The following SPPL3 variants were observed in gnomAD, a reference collection of about 807,000 sequenced individuals.
SPPL3 encodes signal peptide peptidase-like 3.
Under a neutral mutation model 42.4 loss-of-function variants are expected in SPPL3, and 5 were observed. That is an observed-to-expected ratio of 0.12 (90% CI 0.06 to 0.25). SPPL3 has a LOEUF of 0.25. SPPL3 is among the 10% of genes least tolerant of loss of function. The probability of loss-of-function intolerance (pLI) is 1.00; values close to 1 mark genes in which losing one functional copy is unlikely to be tolerated. For missense variants in SPPL3, 235 were observed against 489.0 expected (o/e 0.48, Z 4.90); for synonymous variants, 195 against 181.8 (o/e 1.07, Z -0.58).
chr12:120,886,348 T>C (rs761869301), intron 1 of SPPL3, among the ~76,000 whole-genome samples: 5 of 152,132 alleles, frequency 3.3e-5, no homozygotes, highest in Non-Finnish European at 2.9e-5. Flanking sequence ...TTAGTTACTA[T>C]AGCAGAGCCC....
intron 1 of SPPL3, among the ~76,000 whole-genome samples, chr12:120,853,720 A>G (rs1161377417): frequency 2.0e-5 from 3 of 152,174 alleles, no homozygotes; most frequent in African/African-American, 7.2e-5. Flanking sequence ...TTTCTGGTTC[A>G]GCAGATCTGG....
At chr12:120,787,660 TTCTC>T (rs141234702) in intron 3 of SPPL3, among the ~76,000 whole-genome samples, 6 of 151,696 alleles carry the variant, frequency 4.0e-5, no homozygotes, top group East Asian at 1.9e-4. Context: ...AATCACTACT[TTCTC>T]TCTCTCTCTC....
At chr12:120,868,264 A>C (rs901766100) in intron 1 of SPPL3, among the ~76,000 whole-genome samples, 6 of 144,814 alleles carry the variant, frequency 4.1e-5, no homozygotes, top group Non-Finnish European at 7.6e-5. Flanking sequence ...ACTGCAAAAT[A>C]AAAAAAAAAA....
chr12:120,766,470 T>C (rs1224772508), intron 9 of SPPL3, 98 bp from the exon 10 acceptor site: 2 of 913,520 alleles, frequency 2.2e-6, no homozygotes, highest in African/African-American at 1.7e-5. Context: ...TCTAATGTGC[T>C]GTCGTCCATT....
At chr12:120,780,528 C>T (rs922890380) in intron 6 of SPPL3, among the ~76,000 whole-genome samples, 3 of 147,532 alleles carry the variant, frequency 2.0e-5, no homozygotes, top group African/African-American at 5.0e-5. Context: ...GCGGGAGGAT[C>T]GCCTGGGTCC....
At chr12:120,772,864 GCTCA>G (rs1477906971) in intron 6 of SPPL3, among the ~76,000 whole-genome samples, 4 of 152,154 alleles carry the variant, frequency 2.6e-5, no homozygotes, top group East Asian at 1.9e-4. Context: ...GTTATCAAGC[GCTCA>G]CTGAGTTACA....
chr12:120,874,552 G>T (rs1435982817), intron 1 of SPPL3, among the ~76,000 whole-genome samples: 1 of 150,386 alleles, frequency 6.6e-6, no homozygotes, highest in Admixed American at 6.6e-5. Context: ...AACATACAAA[G>T]AATTAAAATG....
chr12:120,803,958 T>G (rs1870409699), intron 2 of SPPL3, among the ~76,000 whole-genome samples: 2 of 152,176 alleles, frequency 1.3e-5, no homozygotes, highest in Non-Finnish European at 2.9e-5. Flanking sequence ...CTTGTTCTGG[T>G]GAACCATGGT....
chr12:120,863,123 G>A (rs1424216842), intron 1 of SPPL3, among the ~76,000 whole-genome samples: 2 of 152,136 alleles, frequency 1.3e-5, no homozygotes, highest in African/African-American at 4.8e-5. Context: ...TGAGGTGGGT[G>A]GATCACCTGA....
chr12:120,821,532 GA>G (rs969276630), intron 1 of SPPL3, among the ~76,000 whole-genome samples: 19 of 150,572 alleles, frequency 1.3e-4, no homozygotes, highest in African/African-American at 3.4e-4. Flanking sequence ...CTTATTTACA[GA>G]AAAAAAAAAT....
rs536628851 is a variant in SPPL3 at position 120,797,050 on chromosome 12, A to C, written c.102-5493T>G. On this transcript the variant is annotated intron_variant, in intron 2 of 10. Coordinates refer to ENST00000353487, the MANE Select transcript of SPPL3 (RefSeq NM_139015.5). Reference sequence around the variant, plus strand: ...CCAGGTGTGGTGGTGGGTGCCTGTAATCCGAGCTACCCAGGAGGCTGAGGC... The same window carrying C: ...CCAGGTGTGGTGGTGGGTGCCTGTACTCCGAGCTACCCAGGAGGCTGAGGC... Among the ~76,000 whole-genome samples, 6 of 152,252 alleles carry C rather than the reference A, an allele frequency of 3.9e-5. No homozygotes were observed. The East Asian group carries it at 7.7e-4, about 20-fold the overall frequency.
intron 1 of SPPL3, among the ~76,000 whole-genome samples, chr12:120,885,617 T>C (rs1230635664): frequency 6.6e-6 from 1 of 152,146 alleles, no homozygotes; most frequent in Non-Finnish European, 1.5e-5. Context: ...AAAGTTGTTT[T>C]TTTAATCCTC....
chr12:120,810,039 C>T (rs1870634573), intron 2 of SPPL3, among the ~76,000 whole-genome samples: 1 of 151,636 alleles, frequency 6.6e-6, no homozygotes, highest in South Asian at 2.1e-4. Context: ...GCAGTGTGAT[C>T]ATAGCTTATT....
chr12:120,824,059 A>G (rs1456706160), intron 1 of SPPL3, among the ~76,000 whole-genome samples: 1 of 151,870 alleles, frequency 6.6e-6, no homozygotes, highest in African/African-American at 2.4e-5. Context: ...TTTAGTAGAG[A>G]TGGGGTTTCA....
chr12:120,818,465 A>G (rs1420416237), intron 1 of SPPL3, among the ~76,000 whole-genome samples: 1 of 152,226 alleles, frequency 6.6e-6, no homozygotes, highest in Non-Finnish European at 1.5e-5. Flanking sequence ...TTTTAGAACC[A>G]TGCTGGATTT....
At chr12:120,895,476 G>A (rs181797273) in intron 1 of SPPL3, among the ~76,000 whole-genome samples, 157 of 151,522 alleles carry the variant, frequency 1.0e-3, no homozygotes, top group African/African-American at 3.7e-3. Context: ...TTCTTCTTGT[G>A]GAATGTAGCC....
chr12:120,799,642 T>C (rs1057128198), intron 2 of SPPL3, among the ~76,000 whole-genome samples: 1 of 152,104 alleles, frequency 6.6e-6, no homozygotes. Flanking sequence ...TTAGAAGACT[T>C]TGAACTTCTC....
At chr12:120,858,864 G>T (rs1055276998) in intron 1 of SPPL3, among the ~76,000 whole-genome samples, 1 of 152,166 alleles carries the variant, frequency 6.6e-6, no homozygotes, top group Non-Finnish European at 1.5e-5. Flanking sequence ...AATGTGAGCC[G>T]AGAATTTATA....
At chr12:120,819,024 T>A (rs1870969284) in intron 1 of SPPL3, among the ~76,000 whole-genome samples, 1 of 152,214 alleles carries the variant, frequency 6.6e-6, no homozygotes, top group Admixed American at 6.5e-5. Flanking sequence ...TTCCATCTAC[T>A]GTCATATGTT....
Sources: gnomAD v4.1 joint callset for allele counts (sites outside exome capture counted in the v4.1 genomes callset) on GRCh38, gnomAD v4.1.1 for gene constraint, MANE v1.5 for transcripts, NCBI Gene and HGNC (gene_info 2026-07-23, HGNC 2026-07-21) for gene names.